LRRC4C: variants seen among roughly 807,000 people sequenced by gnomAD.
The protein encoded by LRRC4C is leucine rich repeat containing 4C.
Under a neutral mutation model 33.6 loss-of-function variants are expected in LRRC4C, and 5 were observed. That is an observed-to-expected ratio of 0.15 (90% CI 0.08 to 0.31). The LOEUF is 0.31. Ranked by LOEUF, LRRC4C falls within the 10% of genes least tolerant of loss-of-function variation. LRRC4C has a pLI of 1.00. For synonymous variants in LRRC4C, 329 were observed against 302.0 expected, an observed-to-expected ratio of 1.09 and a Z score of -0.93; for missense variants, 560 against 796.7, an observed-to-expected ratio of 0.70 and a Z score of 3.58.
At chr11:41,359,127 C>T (rs548342939) in intron 1 of LRRC4C, among the ~76,000 whole-genome samples, 34 of 149,942 alleles carry the variant, frequency 2.3e-4, no homozygotes, top group Admixed American at 6.0e-4. Flanking sequence ...ACATGACATT[C>T]TGAAAAAGAA....
intron 1 of LRRC4C, among the ~76,000 whole-genome samples, chr11:41,083,048 GC>G (rs764997960): frequency 1.3e-5 from 2 of 152,016 alleles, no homozygotes; most frequent in Non-Finnish European, 2.9e-5. Context: ...AGCCCTACAA[GC>G]CTACTAATGT....
At chr11:40,191,710 C>A (rs1861851156) in intron 5 of LRRC4C, among the ~76,000 whole-genome samples, 1 of 152,216 alleles carries the variant, frequency 6.6e-6, no homozygotes, top group Admixed American at 6.5e-5. Flanking sequence ...CCTGTCATCC[C>A]AGCACTTCAG....
At chr11:40,813,226 T>A (rs1001918800) in intron 2 of LRRC4C, among the ~76,000 whole-genome samples, 4 of 152,176 alleles carry the variant, frequency 2.6e-5, no homozygotes, top group African/African-American at 9.7e-5. Context: ...ATGCTGCTAA[T>A]AAAGACATAC....
intron 1 of LRRC4C, among the ~76,000 whole-genome samples, chr11:41,337,572 AT>A (rs1321381793): frequency 6.6e-6 from 1 of 152,182 alleles, no homozygotes; most frequent in East Asian, 1.9e-4. Flanking sequence ...AAAACCCCAA[AT>A]CATAAAAACC....
chr11:41,425,442 C>A (rs1449483656), intron 1 of LRRC4C, among the ~76,000 whole-genome samples: 2 of 151,998 alleles, frequency 1.3e-5, no homozygotes, highest in Non-Finnish European at 2.9e-5. Context: ...TTCCAAAGGG[C>A]CTCTGGCTGA....
At chr11:40,672,158 G>T (rs148896209) in intron 2 of LRRC4C, among the ~76,000 whole-genome samples, 63 of 152,324 alleles carry the variant, frequency 4.1e-4, no homozygotes, top group Admixed American at 4.6e-4. Context: ...CAAGATGAAA[G>T]TTCTCAGAGA....
At chr11:40,603,833 G>A (rs11035956) in intron 3 of LRRC4C, among the ~76,000 whole-genome samples, 66,026 of 151,958 alleles carry the variant, frequency 0.43, 15,371 homozygotes, top group Middle Eastern at 0.57. Flanking sequence ...GAGAGAAGCT[G>A]TTATAAGAAG....
intron 1 of LRRC4C, among the ~76,000 whole-genome samples, chr11:40,974,901 T>C (rs1167418458): frequency 1.3e-5 from 2 of 152,148 alleles, no homozygotes; most frequent in East Asian, 3.9e-4. Context: ...CTCCAGGATT[T>C]ACACCAGCAG....
At chr11:40,256,681 C>G (rs767653551) in intron 4 of LRRC4C, among the ~76,000 whole-genome samples, 17 of 152,080 alleles carry the variant, frequency 1.1e-4, no homozygotes, top group Non-Finnish European at 1.9e-4. Flanking sequence ...ATACAATACC[C>G]CTTTATCTTA....
chr11:41,043,709 GCTGT>G (rs1402376727), intron 1 of LRRC4C, among the ~76,000 whole-genome samples: 1 of 151,908 alleles, frequency 6.6e-6, no homozygotes, highest in Non-Finnish European at 1.5e-5. Flanking sequence ...TGTGTCCACA[GCTGT>G]CTGACATTAA....
At chr11:40,277,832 T>G (rs1943220836) in intron 4 of LRRC4C, among the ~76,000 whole-genome samples, 1 of 152,158 alleles carries the variant, frequency 6.6e-6, no homozygotes, top group African/African-American at 2.4e-5. Context: ...TCCATAAATG[T>G]TACCTATCGC....
chr11:41,227,647 G>T (rs992011324), intron 1 of LRRC4C, among the ~76,000 whole-genome samples: 1 of 151,972 alleles, frequency 6.6e-6, no homozygotes, highest in African/African-American at 2.4e-5. Context: ...CTATAGCCAC[G>T]TGTCTCTACC....
intron 1 of LRRC4C, among the ~76,000 whole-genome samples, chr11:41,354,501 C>T (rs1379449787): frequency 6.6e-6 from 1 of 151,820 alleles, no homozygotes; most frequent in Non-Finnish European, 1.5e-5. Context: ...TTTCATTTTT[C>T]ATAGAATTAG....
intron 5 of LRRC4C, among the ~76,000 whole-genome samples, chr11:40,143,403 G>A (rs959757916): frequency 5.9e-5 from 9 of 151,820 alleles, no homozygotes; most frequent in Non-Finnish European, 1.3e-4. Flanking sequence ...CATCTCTCCC[G>A]CTTCTTTGAT....
chr11:40,578,141 G>GTTTTTTTTTTTT lies in LRRC4C; in HGVS notation c.-270+69989_-270+70000dup. 4.0e-5 allele frequency among the ~76,000 whole-genome samples: 2 copies of GTTTTTTTTTTTT among 50,136 alleles called. 1 individual carries two copies. Among genetic ancestry groups the GTTTTTTTTTTTT allele is most frequent in the Non-Finnish European group, 7.3e-5 (2 of 27,280 alleles). 32.9% of individuals were successfully genotyped at this position (50,136 alleles called of 152,430 possible). ...GATATTATTGGACTTTTTTTTTTCGGTTTTTTTTTTTTTTTTTTTTTTTTT... is the reference window on the plus strand; with the variant it reads ...GATATTATTGGACTTTTTTTTTTCGGTTTTTTTTTTTTTTTTTTTTTTTTTTTTTTTTTTTTT... On this transcript the variant is annotated intron_variant, in intron 3 of 6. Transcript: ENST00000528697.
intron 1 of LRRC4C, among the ~76,000 whole-genome samples, chr11:41,338,439 A>G (rs947570491): frequency 6.6e-6 from 1 of 152,136 alleles, no homozygotes; most frequent in African/African-American, 2.4e-5. Context: ...AAATTAACAC[A>G]GGAACAGAAA....
chr11:41,232,849 A>G lies in LRRC4C; in HGVS notation c.-496+226582T>C, dbSNP rs145988560. Among the ~76,000 whole-genome samples the G allele has an allele frequency of 3.3e-5, 5 of 152,020 alleles. No individual in the cohort carries two copies. The East Asian group carries it at 9.7e-4, about 29-fold the overall frequency. ...ATAAGAACAATTAGCAATTTTGTGA[A>G]TTGGCTGCCTGTTCACATTTATTTT... On this transcript the variant is annotated intron_variant, in intron 1 of 6. Transcript: ENST00000528697.
At chr11:40,907,796 G>A (rs1169737293) in intron 2 of LRRC4C, among the ~76,000 whole-genome samples, 1 of 152,186 alleles carries the variant, frequency 6.6e-6, no homozygotes, top group Non-Finnish European at 1.5e-5. Context: ...TCTCAATGTG[G>A]CTTCTCTAAG....
At chr11:40,171,304 A>T (rs4237677) in intron 5 of LRRC4C, among the ~76,000 whole-genome samples, 1 of 152,068 alleles carries the variant, frequency 6.6e-6, no homozygotes, top group African/African-American at 2.4e-5. Context: ...GAATGCATAA[A>T]ATAAAATCAC....
Sources: allele counts gnomAD v4.1 joint callset (sites outside exome capture counted in the v4.1 genomes callset), GRCh38; gene constraint gnomAD v4.1.1; transcripts MANE v1.5; gene names NCBI Gene and HGNC (gene_info 2026-07-23, HGNC 2026-07-21).